The following CHODL variants were observed in gnomAD, a reference collection of about 807,000 sequenced individuals.
CHODL encodes the protein chondrolectin, also known as transmembrane protein MT75.
CHODL carries 29 observed loss-of-function variants against 34.5 expected under a neutral mutation model. The observed-to-expected ratio is 0.84, with a 90% CI of 0.63 to 1.15. The LOEUF (loss-of-function observed/expected upper bound fraction) is 1.15. Among genes scored for constraint, CHODL ranks in the 50% most tolerant of loss-of-function variants. CHODL has a pLI of 0.00. For synonymous variants in CHODL, 125 were observed against 116.1 expected, an observed-to-expected ratio of 1.08 and a Z score of -0.49; for missense variants, 332 against 332.5, an observed-to-expected ratio of 1.00 and a Z score of 0.01.
chr21:18,198,216 T>C (rs2073610880), intron 2 of CHODL, among the ~76,000 whole-genome samples: 2 of 152,306 alleles, frequency 1.3e-5, no homozygotes, highest in Non-Finnish European at 2.9e-5. Context: ...CCTAGGTAGA[T>C]ACAATAGTTT....
intron 2 of CHODL, among the ~76,000 whole-genome samples, chr21:18,238,817 G>T (rs1164400336): frequency 6.6e-6 from 1 of 152,048 alleles, no homozygotes; most frequent in Non-Finnish European, 1.5e-5. Context: ...TTTTGTAATT[G>T]TTGTATTATT....
chr21:17,979,503 T>C (rs1179570681), intron 1 of CHODL, among the ~76,000 whole-genome samples: 2 of 152,146 alleles, frequency 1.3e-5, no homozygotes, highest in African/African-American at 4.8e-5. Flanking sequence ...TTTTGAAAAA[T>C]TTTTTGCTTG....
At position 18,220,234 on chromosome 21, in the gene CHODL, G is replaced by C. The variant is rs139589038; in HGVS notation, c.-44-36275G>C. ...ATGTGTGTCTTTACAAGTGAAGTCA[G>C]ATTTTCGTAGGTAGCATATAGTTCA... On this transcript the variant is annotated intron_variant, in intron 2 of 6. Coordinates refer to the CHODL transcript ENST00000400127. Among the ~76,000 whole-genome samples, 205 of 152,166 alleles carry C rather than the reference G, an allele frequency of 1.3e-3. 1 individual carries two copies. Among genetic ancestry groups the C allele is most frequent in the African/African-American group, 4.5e-3 (187 of 41,526 alleles).
chr21:18,210,729 C>CT (rs762017289), intron 2 of CHODL, among the ~76,000 whole-genome samples: 1 of 152,120 alleles, frequency 6.6e-6, no homozygotes, highest in Non-Finnish European at 1.5e-5. Flanking sequence ...CTTACATGGT[C>CT]TACTGCAAAG....
intron 2 of CHODL, among the ~76,000 whole-genome samples, chr21:18,108,349 T>C (rs2065301519): frequency 6.6e-6 from 1 of 152,178 alleles, no homozygotes; most frequent in Admixed American, 6.5e-5. Context: ...CTCAATGACG[T>C]CTTACTATAT....
At chr21:18,014,885 T>A (rs2064057266) in intron 1 of CHODL, among the ~76,000 whole-genome samples, 1 of 152,136 alleles carries the variant, frequency 6.6e-6, no homozygotes, top group South Asian at 2.1e-4. Flanking sequence ...AGTGCAAAAA[T>A]GGCCTAATAC....
chr21:18,214,515 G>T (rs935293665), intron 2 of CHODL, among the ~76,000 whole-genome samples: 1 of 152,036 alleles, frequency 6.6e-6, no homozygotes, highest in Admixed American at 6.6e-5. Context: ...TTATAAGCCT[G>T]GTTCAATCAC....
intron 2 of CHODL, among the ~76,000 whole-genome samples, chr21:18,140,802 G>A (rs1322780806): frequency 6.6e-6 from 1 of 151,950 alleles, no homozygotes; most frequent in Non-Finnish European, 1.5e-5. Flanking sequence ...TACTTTTAGA[G>A]CTCTTGCATC....
At chr21:18,235,833 C>T (rs914658019) in intron 2 of CHODL, among the ~76,000 whole-genome samples, 1 of 152,048 alleles carries the variant, frequency 6.6e-6, no homozygotes, top group Admixed American at 6.6e-5. Flanking sequence ...AAATTGTATT[C>T]CTTTTTAATT....
rs145410613 is a variant in CHODL at position 18,265,046 on chromosome 21, A to G, written c.738-908A>G. Among the ~76,000 whole-genome samples the G allele has an allele frequency of 3.7e-3, 568 of 152,160 alleles. 3 individuals carry two copies. Among genetic ancestry groups the G allele is most frequent in the Non-Finnish European group, 6.2e-3 (419 of 68,012 alleles). Reference sequence around the variant, plus strand: ...AAATGATTTCCAAAATAATTGATCAAAGAAAATAAAGGTATTTATTGGTGA... The same window carrying G: ...AAATGATTTCCAAAATAATTGATCAGAGAAAATAAAGGTATTTATTGGTGA... On this transcript the variant is annotated intron_variant, in intron 5 of 5. Transcript: ENST00000299295.
intron 1 of CHODL, among the ~76,000 whole-genome samples, chr21:18,009,639 A>C (rs1354724105): frequency 6.6e-6 from 1 of 152,162 alleles, no homozygotes; most frequent in Non-Finnish European, 1.5e-5. Context: ...AAAGAATAAC[A>C]TTTGGTTGGC....
At chr21:17,950,492 TACAC>T (rs1053228501) in intron 1 of CHODL, among the ~76,000 whole-genome samples, 2 of 104,654 alleles carry the variant, frequency 1.9e-5, no homozygotes, top group African/African-American at 4.3e-5. Flanking sequence ...AAATCCTAGA[TACAC>T]AACACACACA....
At chr21:17,979,968 A>G (rs746533594) in intron 1 of CHODL, among the ~76,000 whole-genome samples, 4 of 152,114 alleles carry the variant, frequency 2.6e-5, no homozygotes, top group Non-Finnish European at 4.4e-5. Context: ...AAAATGTTCT[A>G]TTCCATGAGG....
rs146838210 is a variant in CHODL at position 18,085,421 on chromosome 21, T to G, written c.-45+57450T>G. On this transcript the variant is annotated intron_variant, in intron 2 of 6. Transcript: ENST00000400127. ...ATTCTATCTTATTGACATTTGATTCTTTTCCTTCTTTGTGTGATTGTATTA... is the reference window on the plus strand; with the variant it reads ...ATTCTATCTTATTGACATTTGATTCGTTTCCTTCTTTGTGTGATTGTATTA... Among the ~76,000 whole-genome samples, 224 of 152,322 alleles carry G rather than the reference T, an allele frequency of 1.5e-3. 4 individuals carry two copies. In the East Asian group the frequency reaches 0.035, roughly 23 times the overall value.
intron 1 of CHODL, among the ~76,000 whole-genome samples, chr21:17,993,032 T>G (rs440624): frequency 0.13 from 19,843 of 152,126 alleles, 1,530 homozygotes; most frequent in South Asian, 0.3. Context: ...TTTGAACACC[T>G]TTAATTTCCT....
chr21:18,086,209 T>C (rs1466970980), intron 2 of CHODL, among the ~76,000 whole-genome samples: 1 of 152,022 alleles, frequency 6.6e-6, no homozygotes, highest in African/African-American at 2.4e-5. Context: ...GCTTTTGTTT[T>C]CCTAAAGTTA....
At chr21:18,072,662 TA>T (rs1302824423) in intron 2 of CHODL, among the ~76,000 whole-genome samples, 1 of 151,796 alleles carries the variant, frequency 6.6e-6, no homozygotes, top group Non-Finnish European at 1.5e-5. Flanking sequence ...ACTTGTTATT[TA>T]AGATAAAAAA....
chr21:18,222,383 G>A (rs2073892912), intron 2 of CHODL, among the ~76,000 whole-genome samples: 1 of 152,160 alleles, frequency 6.6e-6, no homozygotes, highest in South Asian at 2.1e-4. Context: ...ATGTAGTCTA[G>A]TATGGGCTTT....
At chr21:18,109,691 G>A (rs1488288646) in intron 2 of CHODL, among the ~76,000 whole-genome samples, 1 of 152,076 alleles carries the variant, frequency 6.6e-6, no homozygotes. Context: ...CATTGTAAGT[G>A]TTAAATAAAT....
Sources: allele counts gnomAD v4.1 joint callset (sites outside exome capture counted in the v4.1 genomes callset), GRCh38; gene constraint gnomAD v4.1.1; transcripts MANE v1.5; gene names NCBI Gene and HGNC (gene_info 2026-07-23, HGNC 2026-07-21).